Variants in RNF6 observed in about 807,000 individuals in gnomAD.
RNF6 encodes ring finger protein 6.
RNF6 carries 21 observed loss-of-function variants against 50.1 expected under a neutral mutation model. That is an observed-to-expected ratio of 0.42 (90% confidence interval 0.30 to 0.60). The LOEUF (loss-of-function observed/expected upper bound fraction) is 0.60. Among genes scored for constraint, RNF6 ranks in the 20% least tolerant of loss-of-function variants. The probability of loss-of-function intolerance (pLI) is 0.20; values close to 1 mark genes in which losing one functional copy is unlikely to be tolerated. For missense variants in RNF6, 698 were observed against 838.2 expected (o/e 0.83, Z 2.07); for synonymous variants, 255 against 291.8 (o/e 0.87, Z 1.29).
chr13:26,217,687 T>C (rs1013609793), intron 4 of RNF6, among the ~76,000 whole-genome samples: 3 of 152,262 alleles, frequency 2.0e-5, no homozygotes, highest in African/African-American at 7.2e-5. Context: ...ACTAGCCAAA[T>C]GTGACTATTA....
In RNF6 at chr13:26,219,642, T is replaced by G. The variant is rs1870269928; in HGVS notation, c.8A>C (p.Gln3Pro). Residue 3 changes from glutamine to proline, a missense_variant, in exon 3 of 5, where the codon CAG (glutamine) becomes CCG (proline). Transcript: ENST00000381588. Reference sequence around the variant, plus strand: ...GCCACCATCTGATCTCGATCTAGACTGATTCATCCTGAGATTCCTGGCTTT... The same window carrying G: ...GCCACCATCTGATCTCGATCTAGACGGATTCATCCTGAGATTCCTGGCTTT... MN[Q>P]SRSRSDGGSE... 1.9e-6 allele frequency: 3 copies of G among 1,612,602 alleles called. No individual in the cohort carries two copies. The highest frequency in any genetic ancestry group is 2.5e-6 in the Non-Finnish European group (3 of 1,179,636).
intron 5 of RNF6, among the ~76,000 whole-genome samples, chr13:26,143,949 C>G (rs1158967202): frequency 1.3e-5 from 2 of 152,150 alleles, no homozygotes; most frequent in African/African-American, 4.8e-5. Context: ...GCATTGTTTA[C>G]AGAGAAGGCA....
chr13:26,208,650 A>T (rs1308051085), downstream of RNF6, among the ~76,000 whole-genome samples: 1 of 152,218 alleles, frequency 6.6e-6, no homozygotes, highest in Non-Finnish European at 1.5e-5. Flanking sequence ...ACAGAGATTT[A>T]TCAGGAACAC....
chr13:26,218,695 T>C, intron 3 of RNF6, 89 bp from the exon 4 acceptor site: 4 of 946,834 alleles, frequency 4.2e-6, no homozygotes, highest in African/African-American at 1.6e-5. Flanking sequence ...TAGTAACCTA[T>C]AGAAGACAAA....
chr13:26,205,050 G>A (rs1186561137), intron 5 of RNF6, among the ~76,000 whole-genome samples: 1 of 152,174 alleles, frequency 6.6e-6, no homozygotes, highest in Non-Finnish European at 1.5e-5. Flanking sequence ...GGAGCAACGT[G>A]ATAAATTGGC....
intron 5 of RNF6, among the ~76,000 whole-genome samples, chr13:26,190,583 C>G (rs999824067): frequency 6.6e-6 from 1 of 152,176 alleles, no homozygotes; most frequent in Non-Finnish European, 1.5e-5. Context: ...TGTTCAGTTA[C>G]GATTCACATA....
chr13:26,147,790 GTC>G (rs889215182), intron 5 of RNF6, among the ~76,000 whole-genome samples: 36 of 152,296 alleles, frequency 2.4e-4, no homozygotes, highest in Admixed American at 2.2e-3. Flanking sequence ...GGACACAAGA[GTC>G]TCCTTCAGGA....
chr13:26,204,194 T>C lies in RNF6; in HGVS notation n.768+11280A>G, dbSNP rs569349649. 6.6e-5 allele frequency among the ~76,000 whole-genome samples: 10 copies of C among 151,758 alleles called. No homozygotes were observed. The Middle Eastern group carries it at 0.01, about 155-fold the overall frequency. ...AGACCCAAACTGACAAAATATTGAGTGTGTAGAAAAGAGAAATAAGGCCGG... is the reference window on the plus strand; with the variant it reads ...AGACCCAAACTGACAAAATATTGAGCGTGTAGAAAAGAGAAATAAGGCCGG... On this transcript the variant is annotated intron_variant and non_coding_transcript_variant, in intron 5 of 5. Coordinates refer to the RNF6 transcript ENST00000468480.
chr13:26,221,326 C>A lies in RNF6; in HGVS notation c.-97G>T, dbSNP rs11558132. 0.41 allele frequency: 62,195 copies of A among 152,030 alleles called. 14,383 individuals carry two copies. Among genetic ancestry groups the A allele is most frequent in the Middle Eastern group, 0.52 (152 of 292 alleles). The allele number at this position is 152,030 out of a possible 1,614,324, so 9.4% of individuals were successfully genotyped here. ...TTGTTTGTGCCTTTTTTGAGAGCTG[C>A]CCATCTGAAGCAATAAAAGAGAGTT... is the stretch of plus-strand genomic sequence containing the variant. On this transcript the variant is annotated 5_prime_UTR_variant, in exon 2 of 5. Coordinates refer to ENST00000381588, the MANE Select transcript of RNF6 (RefSeq NM_005977.4).
chr13:26,139,687 A>G (rs1271362597), intron 5 of RNF6, among the ~76,000 whole-genome samples: 1 of 152,142 alleles, frequency 6.6e-6, no homozygotes, highest in Non-Finnish European at 1.5e-5. Flanking sequence ...AAAATGGTAT[A>G]TTTCTGCATA....
downstream of RNF6, among the ~76,000 whole-genome samples, chr13:26,211,905 C>G (rs1410792049): frequency 6.6e-6 from 1 of 152,044 alleles, no homozygotes; most frequent in Non-Finnish European, 1.5e-5. Context: ...TTTGTGCTAC[C>G]TCTCCCTCCT....
chr13:26,159,397 C>T (rs1310551247), intron 5 of RNF6, among the ~76,000 whole-genome samples: 3 of 151,836 alleles, frequency 2.0e-5, no homozygotes, highest in African/African-American at 4.8e-5. Flanking sequence ...GGCTGAGGCA[C>T]GTGAATCACA....
chr13:26,203,505 G>A (rs1176907391), intron 5 of RNF6, among the ~76,000 whole-genome samples: 2 of 152,234 alleles, frequency 1.3e-5, no homozygotes, highest in Non-Finnish European at 2.9e-5. Flanking sequence ...ACGACTGACT[G>A]AGAGCCTCCA....
intron 5 of RNF6, among the ~76,000 whole-genome samples, chr13:26,175,776 C>G (rs1216248793): frequency 2.0e-5 from 3 of 152,130 alleles, no homozygotes; most frequent in Non-Finnish European, 2.9e-5. Flanking sequence ...TGTGCACTTC[C>G]AAGTCATAGC....
chr13:26,152,096 C>A (rs529449116), intron 5 of RNF6, among the ~76,000 whole-genome samples: 1 of 152,166 alleles, frequency 6.6e-6, no homozygotes, highest in Non-Finnish European at 1.5e-5. Flanking sequence ...TCCACTCTAT[C>A]CTATGTTACC....
chr13:26,196,730 A>G (rs2137697073), intron 5 of RNF6, among the ~76,000 whole-genome samples: 1 of 26,974 alleles, frequency 3.7e-5, no homozygotes, highest in Non-Finnish European at 7.5e-5. Flanking sequence ...CTGTCCTTTA[A>G]GCTGAAGGGA....
chr13:26,172,737 G>T (rs963835461), intron 5 of RNF6, among the ~76,000 whole-genome samples: 1 of 152,082 alleles, frequency 6.6e-6, no homozygotes, highest in East Asian at 1.9e-4. Context: ...TACAGATAAG[G>T]TTTCACTATG....
chr13:26,189,122 A>G (rs1282517053), intron 5 of RNF6, among the ~76,000 whole-genome samples: 1 of 151,832 alleles, frequency 6.6e-6, no homozygotes, highest in Non-Finnish European at 1.5e-5. Context: ...TGAGGTCAGG[A>G]GTTTGAGACC....
At chr13:26,132,930 G>T (rs945141149) in intron 5 of RNF6, among the ~76,000 whole-genome samples, 2 of 152,022 alleles carry the variant, frequency 1.3e-5, no homozygotes, top group South Asian at 2.1e-4. Flanking sequence ...GCGGTGGGGG[G>T]TGCCAGAATT....
Sources: allele counts gnomAD v4.1 joint callset (sites outside exome capture counted in the v4.1 genomes callset), GRCh38; gene constraint gnomAD v4.1.1; transcripts MANE v1.5; gene names NCBI Gene and HGNC (gene_info 2026-07-23, HGNC 2026-07-21).